The following RASA2 variants were observed in gnomAD, a reference collection of about 807,000 sequenced individuals.
RASA2 encodes the protein RAS p21 protein activator 2, also known as ras GTPase-activating protein 2.
A neutral mutation model predicts 118.2 loss-of-function variants in RASA2; 155 were observed. That is an observed-to-expected ratio of 1.31 (90% CI 1.15 to 1.50). The LOEUF (loss-of-function observed/expected upper bound fraction) is 1.50. Ranked by LOEUF, RASA2 falls within the 40% of genes most tolerant of loss-of-function variation. The probability of loss-of-function intolerance (pLI) is 0.00; values close to 1 mark genes in which losing one functional copy is unlikely to be tolerated. For synonymous variants in RASA2, 353 were observed against 349.1 expected (o/e 1.01, Z -0.12); for missense variants, 1,016 against 1,009.6 (o/e 1.01, Z -0.09).
chr3:141,543,000 CT>C (rs1444905844), intron 5 of RASA2, among the ~76,000 whole-genome samples: 9 of 151,626 alleles, frequency 5.9e-5, no homozygotes, highest in Non-Finnish European at 1.2e-4. Flanking sequence ...CAATCTCTGT[CT>C]TTTTTTGGTG....
intron 1 of RASA2, among the ~76,000 whole-genome samples, chr3:141,496,878 C>T (rs1037794551): frequency 2.1e-4 from 32 of 152,158 alleles, no homozygotes; most frequent in Non-Finnish European, 1.6e-4. Flanking sequence ...ATGTTTATTG[C>T]GGCATTATTC....
At chr3:141,603,568 T>C (rs1400048266) in intron 19 of RASA2, among the ~76,000 whole-genome samples, 2 of 151,728 alleles carry the variant, frequency 1.3e-5, no homozygotes, top group African/African-American at 4.9e-5. Context: ...CAAAACTCTG[T>C]CTCAAAAAAA....
intron 9 of RASA2, among the ~76,000 whole-genome samples, chr3:141,562,518 G>C (rs2082747305): frequency 9.0e-6 from 1 of 111,700 alleles, no homozygotes; most frequent in Non-Finnish European, 1.8e-5. Flanking sequence ...AGCTACTCAG[G>C]AGCTGGCGCA....
chr3:141,569,324 A>G (rs1278790692), intron 9 of RASA2, among the ~76,000 whole-genome samples: 1 of 152,162 alleles, frequency 6.6e-6, no homozygotes. Flanking sequence ...GATATCTTGA[A>G]TGAGTAGCAA....
intron 19 of RASA2, chr3:141,600,238 AG>A (rs1348980900): frequency 8.0e-6 from 4 of 496,928 alleles, no homozygotes; most frequent in Non-Finnish European, 1.6e-5. Context: ...GGTTTCTTGA[AG>A]GAAAGAAGGA....
In RASA2 at chr3:141,558,878, G is replaced by T; in HGVS notation, c.685-8G>T. The stretch of plus-strand genomic sequence containing the variant: ...AAAAAAATTTTTACTAAAATATTTT[G>T]TTTACAGGTAACCAGATCCAGTAGT... On this transcript the variant is annotated splice_polypyrimidine_tract_variant and splice_region_variant and intron_variant, in intron 7 of 23. Transcript: ENST00000286364. 1 of 1,578,546 alleles carries T rather than the reference G, an allele frequency of 6.3e-7. No homozygotes were observed. Among genetic ancestry groups the T allele is most frequent in the Non-Finnish European group, 8.7e-7 (1 of 1,150,668 alleles).
At position 141,571,488 on chromosome 3, in the gene RASA2, T is replaced by G. The variant is rs1332623167; in HGVS notation, c.1103T>G (p.Leu368Arg). ...GCTGTTTTGCCCCTTGTACGACTGC[T>G]GCTGCACCATGATAAACTTGTTCCT... ...NDAVLPLVRL[L>R]LHHDKLVPFA... Residue 368 changes from leucine to arginine, a missense_variant, in exon 11 of 24, where the codon CTG becomes CGG. Transcript: ENST00000286364. The G allele has an allele frequency of 6.2e-7, 1 of 1,613,470 alleles. No individual in the cohort carries two copies. The highest frequency in any genetic ancestry group is 8.5e-7 in the Non-Finnish European group (1 of 1,179,576).
In RASA2 at chr3:141,487,030, C is replaced by G. The variant is rs2081583472; in HGVS notation, c.-54C>G. The G allele has an allele frequency of 8.8e-7, 1 of 1,139,332 alleles. No individual in the cohort carries two copies. Among genetic ancestry groups the G allele is most frequent in the African/African-American group, 1.7e-5 (1 of 59,862 alleles). The allele number at this position is 1,139,332 out of a possible 1,614,324, so 70.6% of individuals were successfully genotyped here. ...CCTGGGCCTAGGCCGCTGCTGGGCTCCGCCTCGCCCGGCTACGCAGGCGGC... is the reference window on the plus strand; with the variant it reads ...CCTGGGCCTAGGCCGCTGCTGGGCTGCGCCTCGCCCGGCTACGCAGGCGGC... On this transcript the variant is annotated 5_prime_UTR_variant, in exon 1 of 24. Transcript: ENST00000286364.
rs529631210 is a variant in RASA2, at chr3:141,543,876, C to CTTTTTTTTT, written c.527+3276_527+3284dup. On this transcript the variant is annotated intron_variant, in intron 5 of 23. Transcript: ENST00000286364. ...TTTTTTCTTTCTTTCTTTCTTTTTT[C>CTTTTTTTTT]TTTTTTTTTTTTTTTTTGATATGGA... Among the ~76,000 whole-genome samples the CTTTTTTTTT allele has an allele frequency of 6.3e-3, 742 of 117,202 alleles. 1 individual carries two copies. The highest frequency in any genetic ancestry group is 9.2e-3 in the Non-Finnish European group (537 of 58,350). The allele number at this position is 117,202 out of a possible 152,430, so 76.9% of individuals were successfully genotyped here.
intron 4 of RASA2, among the ~76,000 whole-genome samples, chr3:141,533,240 A>T (rs1185012398): frequency 6.6e-6 from 1 of 152,100 alleles, no homozygotes; most frequent in African/African-American, 2.4e-5. Context: ...ATCTAATTTG[A>T]TATGGTTGGA....
chr3:141,583,707 G>A (rs2083153764), intron 17 of RASA2, among the ~76,000 whole-genome samples: 1 of 152,112 alleles, frequency 6.6e-6, no homozygotes, highest in South Asian at 2.1e-4. Context: ...AACTCCTTAA[G>A]TCTGAGCTCT....
chr3:141,536,892 C>G (rs2082334999), intron 4 of RASA2, among the ~76,000 whole-genome samples: 1 of 151,736 alleles, frequency 6.6e-6, no homozygotes, highest in South Asian at 2.1e-4. Context: ...GGATTACAGG[C>G]ATGCGCTGCC....
At chr3:141,503,419 C>T (rs753550593) in intron 1 of RASA2, among the ~76,000 whole-genome samples, 5 of 152,212 alleles carry the variant, frequency 3.3e-5, no homozygotes, top group Non-Finnish European at 5.9e-5. Context: ...ATGACTGTTA[C>T]ATGGAATCAT....
chr3:141,572,538 GT>G, intron 11 of RASA2, 70 bp from the exon 12 acceptor site: 1 of 1,071,950 alleles, frequency 9.3e-7, no homozygotes, highest in Non-Finnish European at 1.4e-6. Context: ...TCTTAAATTG[GT>G]CAAGTATGTT....
intron 1 of RASA2, among the ~76,000 whole-genome samples, chr3:141,493,407 ACTGT>A (rs1205875076): frequency 6.6e-6 from 1 of 152,068 alleles, no homozygotes; most frequent in African/African-American, 2.4e-5. Flanking sequence ...TTCAGTTCTG[ACTGT>A]CTGTCACCAT....
intron 5 of RASA2, among the ~76,000 whole-genome samples, chr3:141,548,800 T>G (rs1255765530): frequency 1.3e-5 from 2 of 152,194 alleles, no homozygotes; most frequent in Non-Finnish European, 2.9e-5. Flanking sequence ...ACTGTGTTCC[T>G]GTTTTCACTT....
chr3:141,565,455 C>T (rs771158680), intron 9 of RASA2, among the ~76,000 whole-genome samples: 23 of 152,186 alleles, frequency 1.5e-4, no homozygotes, highest in Non-Finnish European at 4.4e-5. Context: ...CAAATCTCAC[C>T]TTGAATTGTA....
chr3:141,523,742 C>T (rs1241803023), intron 3 of RASA2, among the ~76,000 whole-genome samples: 1 of 152,066 alleles, frequency 6.6e-6, no homozygotes, highest in East Asian at 1.9e-4. Flanking sequence ...CAGTTCTCCC[C>T]GACCCCTCAC....
intron 3 of RASA2, among the ~76,000 whole-genome samples, chr3:141,516,641 A>T (rs2082030873): frequency 6.6e-6 from 1 of 152,166 alleles, no homozygotes; most frequent in South Asian, 2.1e-4. Context: ...CAGCTCCCCT[A>T]GTCACTATGT....
Sources: allele counts gnomAD v4.1 joint callset (sites outside exome capture counted in the v4.1 genomes callset), GRCh38; gene constraint gnomAD v4.1.1; transcripts MANE v1.5; gene names NCBI Gene and HGNC (gene_info 2026-07-23, HGNC 2026-07-21).